The following NRXN1 variants were observed in gnomAD, a reference collection of about 807,000 sequenced individuals.
NRXN1 encodes neurexin 1.
A neutral mutation model predicts 150.9 loss-of-function variants in NRXN1; 39 were observed. The ratio of observed to expected loss-of-function variants is 0.26; its 90% confidence interval spans 0.20 to 0.34. The LOEUF (loss-of-function observed/expected upper bound fraction) is 0.34, where lower values mean the gene tolerates loss of function less well. NRXN1 is among the 10% of genes least tolerant of loss of function. NRXN1 has a pLI of 1.00. For synonymous variants in NRXN1, 924 were observed against 757.0 expected, an observed-to-expected ratio of 1.22 and a Z score of -3.62; for missense variants, 1,815 against 1,949.9, an observed-to-expected ratio of 0.93 and a Z score of 1.30.
chr2:50,604,227 G>A (rs541795425), intron 8 of NRXN1, among the ~76,000 whole-genome samples: 12 of 152,252 alleles, frequency 7.9e-5, no homozygotes, highest in Non-Finnish European at 1.6e-4. Flanking sequence ...GCCTTGATTA[G>A]GGTGAAGTTG....
intron 17 of NRXN1, among the ~76,000 whole-genome samples, chr2:50,454,336 A>G (rs1488021359): frequency 6.6e-6 from 1 of 152,126 alleles, no homozygotes; most frequent in African/African-American, 2.4e-5. Context: ...GAAGTAAATA[A>G]ATAAATAAAT....
intron 17 of NRXN1, among the ~76,000 whole-genome samples, chr2:50,359,411 T>C (rs924883986): frequency 6.6e-6 from 1 of 150,990 alleles, no homozygotes; most frequent in Non-Finnish European, 1.5e-5. Flanking sequence ...GAGAAGAACA[T>C]AAATGACCTG....
chr2:50,676,540 G>A (rs535229185), intron 5 of NRXN1, among the ~76,000 whole-genome samples: 14 of 152,230 alleles, frequency 9.2e-5, no homozygotes, highest in African/African-American at 3.1e-4. Flanking sequence ...TCTGTACAAT[G>A]TAATATTTGT....
intron 5 of NRXN1, among the ~76,000 whole-genome samples, chr2:50,666,544 C>A (rs1250830028): frequency 6.6e-6 from 1 of 151,792 alleles, no homozygotes; most frequent in Non-Finnish European, 1.5e-5. Flanking sequence ...TTTCACATTC[C>A]CATGAATGGT....
rs570828734 is a variant in NRXN1 at position 50,547,895 on chromosome 2, T to C, written c.1759+4692A>G. Among the ~76,000 whole-genome samples, 107 of 152,210 alleles carry C rather than the reference T, an allele frequency of 7.0e-4. 1 individual carries two copies. Among genetic ancestry groups the C allele is most frequent in the Middle Eastern group, 6.8e-3 (2 of 294 alleles). Reference sequence around the variant, plus strand: ...AAAGAACAGCTATAGCCAAGCAGAATTAGTCAAACTGTGGAAATTAGAGTG... The same window carrying C: ...AAAGAACAGCTATAGCCAAGCAGAACTAGTCAAACTGTGGAAATTAGAGTG... On this transcript the variant is annotated intron_variant, in intron 9 of 22. Transcript: ENST00000401669.
At chr2:50,977,513 A>T (rs1203280328) in intron 2 of NRXN1, among the ~76,000 whole-genome samples, 1 of 151,976 alleles carries the variant, frequency 6.6e-6, no homozygotes, top group Non-Finnish European at 1.5e-5. Context: ...GAAATTATTT[A>T]AACTCTCATT....
At chr2:50,964,636 T>C (rs1249324887) in intron 2 of NRXN1, among the ~76,000 whole-genome samples, 1 of 151,492 alleles carries the variant, frequency 6.6e-6, no homozygotes, top group Non-Finnish European at 1.5e-5. Context: ...CACGCTTCAG[T>C]ACAATTCATT....
Position 50,329,651 on chromosome 2 carries a change from ATATATATATATATATATATATATTTT to A in NRXN1, c.3365-92707_3365-92682del, listed in dbSNP as rs1454144082. ...TATATATATATATATATATATATAT[ATATATATATATATATATATATATTTT>A]TTTTTTTCCCCCCCGAGACGGAGTC... On this transcript the variant is annotated intron_variant, in intron 17 of 22. Coordinates refer to ENST00000401669, the MANE Select transcript of NRXN1 (RefSeq NM_001330078.2). 1.7e-3 allele frequency among the ~76,000 whole-genome samples: 16 copies of A among 9,364 alleles called. 1 individual carries two copies. The highest frequency in any genetic ancestry group is 4.1e-3 in the South Asian group (1 of 246). 6.1% of individuals were successfully genotyped at this position (9,364 alleles called of 152,430 possible). A position where few individuals can be genotyped will look rare whatever the true frequency, so the allele number is the denominator to read the frequency against.
At chr2:50,441,653 C>A (rs974532956) in intron 17 of NRXN1, among the ~76,000 whole-genome samples, 3 of 152,062 alleles carry the variant, frequency 2.0e-5, no homozygotes, top group Non-Finnish European at 2.9e-5. Flanking sequence ...ATAACTTGTT[C>A]TGGGCTTTTT....
intron 18 of NRXN1, among the ~76,000 whole-genome samples, chr2:50,096,319 C>T (rs1700212035): frequency 1.3e-5 from 2 of 152,126 alleles, no homozygotes; most frequent in African/African-American, 4.8e-5. Context: ...CCGGTATTTA[C>T]TATTTAATTC....
chr2:50,090,567 T>C (rs1205294585), intron 19 of NRXN1, among the ~76,000 whole-genome samples: 1 of 152,152 alleles, frequency 6.6e-6, no homozygotes, highest in Non-Finnish European at 1.5e-5. Context: ...TGTTTTAAAA[T>C]TGAGGATATA....
chr2:50,070,738 C>T (rs2152666885), intron 19 of NRXN1, among the ~76,000 whole-genome samples: 1 of 143,632 alleles, frequency 7.0e-6, no homozygotes, highest in South Asian at 2.2e-4. Context: ...CCACTGCACT[C>T]CAGCCTGGGC....
intron 15 of NRXN1, among the ~76,000 whole-genome samples, chr2:50,488,471 G>T (rs2091031861): frequency 6.6e-6 from 1 of 152,204 alleles, no homozygotes; most frequent in African/African-American, 2.4e-5. Context: ...AGAGGAACAA[G>T]GGAATGATCC....
chr2:50,432,997 TGACATGGAAATGAG>T (rs1422722624), intron 17 of NRXN1, among the ~76,000 whole-genome samples: 1 of 152,202 alleles, frequency 6.6e-6, no homozygotes, highest in Non-Finnish European at 1.5e-5. Context: ...AATGGCTCAT[TGACATGGAAATGAG>T]TCCCTCAGAG....
At chr2:50,250,000 AAAAT>A (rs367575670) in intron 17 of NRXN1, among the ~76,000 whole-genome samples, 47 of 152,272 alleles carry the variant, frequency 3.1e-4, no homozygotes, top group Middle Eastern at 3.4e-3. Context: ...CATCAAGTTA[AAAAT>A]AAATAAATAA....
intron 22 of NRXN1, among the ~76,000 whole-genome samples, chr2:49,942,775 G>A (rs1188668806): frequency 1.3e-5 from 2 of 151,982 alleles, no homozygotes; most frequent in Non-Finnish European, 2.9e-5. Flanking sequence ...ACACCTGGCT[G>A]ATTTTTCTAT....
chr2:50,517,105 A>T (rs2092653202), intron 12 of NRXN1, among the ~76,000 whole-genome samples: 1 of 152,130 alleles, frequency 6.6e-6, no homozygotes, highest in East Asian at 1.9e-4. Flanking sequence ...GTATCCTCAT[A>T]TATCTCATAA....
Position 49,946,237 on chromosome 2 carries a change from G to GT in NRXN1, c.4129-2447dup, listed in dbSNP as rs1025321869. On this transcript the variant is annotated intron_variant, in intron 21 of 22. Transcript: ENST00000401669. ...ACCCACTTTTTGATGGGGTTGTTTT[G>GT]TTTTTTTCTTGTAAATTTGTTTAAG... 3.9e-5 allele frequency among the ~76,000 whole-genome samples: 6 copies of GT among 152,064 alleles called. No homozygotes were observed. In the South Asian group the frequency reaches 1.0e-3, roughly 26 times the overall value.
intron 17 of NRXN1, among the ~76,000 whole-genome samples, chr2:50,287,297 C>A (rs770403537): frequency 1.1e-4 from 17 of 151,878 alleles, no homozygotes; most frequent in Non-Finnish European, 1.6e-4. Flanking sequence ...AATAATAGGA[C>A]AAAAATGTTT....
Sources: allele counts gnomAD v4.1 joint callset (sites outside exome capture counted in the v4.1 genomes callset), GRCh38; gene constraint gnomAD v4.1.1; transcripts MANE v1.5; gene names NCBI Gene and HGNC (gene_info 2026-07-23, HGNC 2026-07-21).